MLIP: variants seen among roughly 807,000 people sequenced by gnomAD.
MLIP encodes the protein muscular LMNA interacting protein.
In MLIP, 79 loss-of-function variants were observed where a neutral mutation model predicts 84.8. The ratio of observed to expected loss-of-function variants is 0.93; its 90% CI spans 0.78 to 1.12. The LOEUF is 1.12. Ranked by LOEUF, MLIP falls within the 50% of genes most tolerant of loss-of-function variation. The probability of loss-of-function intolerance (pLI) is 0.00; values close to 1 mark genes in which losing one functional copy is unlikely to be tolerated. For missense variants in MLIP, 1,257 were observed against 1,160.6 expected (o/e 1.08, Z -1.21); for synonymous variants, 504 against 463.0 (o/e 1.09, Z -1.14).
chr6:54,040,445 G>C (rs747693798), intron 1 of MLIP, among the ~76,000 whole-genome samples: 1 of 151,982 alleles, frequency 6.6e-6, no homozygotes, highest in Non-Finnish European at 1.5e-5. Flanking sequence ...AGAAAAAAGG[G>C]AACACTTACA....
chr6:54,025,004 ATTT>A (rs79753738), intron 1 of MLIP, among the ~76,000 whole-genome samples: 224 of 139,954 alleles, frequency 1.6e-3, no homozygotes, highest in Middle Eastern at 3.5e-3. Context: ...TGCCCAGCTA[ATTT>A]TTTTTTTTTT....
intron 10 of MLIP, among the ~76,000 whole-genome samples, chr6:54,190,262 G>A (rs1002045983): frequency 6.6e-6 from 1 of 152,104 alleles, no homozygotes; most frequent in African/African-American, 2.4e-5. Context: ...TCATGATTGA[G>A]TAGGATAGTT....
At chr6:54,164,462 T>G (rs1774978248) in intron 8 of MLIP, among the ~76,000 whole-genome samples, 1 of 151,982 alleles carries the variant, frequency 6.6e-6, no homozygotes, top group Admixed American at 6.6e-5. Context: ...TTCTTCTAAA[T>G]CAGATTTATT....
At chr6:54,265,846 T>A in intron 13 of MLIP, 104 bp from the exon 14 acceptor site, 2 of 1,082,440 alleles carry the variant, frequency 1.8e-6, no homozygotes, top group South Asian at 1.4e-5. Flanking sequence ...ATAAACCATT[T>A]TTTTGTAGGA....
In MLIP at chr6:54,126,426, T is replaced by G. The variant is rs115910111; in HGVS notation, c.645+1561T>G. Among the ~76,000 whole-genome samples the G allele has an allele frequency of 6.1e-3, 924 of 151,828 alleles. 5 individuals are homozygous for G. The highest frequency in any genetic ancestry group is 0.027 in the Middle Eastern group (8 of 294). ...AGGTTATTTAGGAGCAGGTTATAGT[T>G]CATGTTATTAGAGCTCTAAATAAAA... On this transcript the variant is annotated intron_variant, in intron 3 of 13. Coordinates refer to ENST00000502396, the MANE Select transcript of MLIP (RefSeq NM_001281747.2).
chr6:54,226,263 C>G (rs760826397), intron 11 of MLIP, among the ~76,000 whole-genome samples: 1 of 152,188 alleles, frequency 6.6e-6, no homozygotes, highest in Non-Finnish European at 1.5e-5. Flanking sequence ...TAGTGGAGAG[C>G]AGTGGAGCTC....
At chr6:54,222,985 T>A (rs946306280) in intron 11 of MLIP, among the ~76,000 whole-genome samples, 1 of 152,056 alleles carries the variant, frequency 6.6e-6, no homozygotes. Context: ...CCCTTTCATA[T>A]ACCTGTTGGT....
chr6:54,089,655 A>G (rs2150369284), intron 1 of MLIP, among the ~76,000 whole-genome samples: 1 of 152,266 alleles, frequency 6.6e-6, no homozygotes, highest in South Asian at 2.1e-4. Context: ...AAAACAAAAG[A>G]AAACAAAATC....
chr6:54,159,580 G>C (rs913466936), intron 5 of MLIP, among the ~76,000 whole-genome samples: 1 of 151,972 alleles, frequency 6.6e-6, no homozygotes, highest in Non-Finnish European at 1.5e-5. Context: ...TTCACCTTAC[G>C]GGTAGTCCCT....
chr6:54,223,967 AG>A (rs5876375), intron 11 of MLIP, among the ~76,000 whole-genome samples: 3,491 of 152,158 alleles, frequency 0.023, 122 homozygotes, highest in African/African-American at 0.077. Flanking sequence ...TAAATGAATA[AG>A]AAGAGTAATA....
Position 54,228,213 on chromosome 6 carries a change from A to ATG in MLIP, c.2719-2501_2719-2500insTG, listed in dbSNP as rs1554188685. ...AAAAAAAAAAAAAAAAAAAAAAAAA[A>ATG]AGAGAAAGAAAAAAGAAACAGGAGA... On this transcript the variant is annotated intron_variant, in intron 11 of 13. Coordinates refer to ENST00000502396, the MANE Select transcript of MLIP (RefSeq NM_001281747.2). 4.3e-5 allele frequency among the ~76,000 whole-genome samples: 5 copies of ATG among 116,654 alleles called. 1 individual carries two copies. The South Asian group carries it at 1.1e-3, about 25-fold the overall frequency. 76.5% of individuals were successfully genotyped at this position (116,654 alleles called of 152,430 possible).
At chr6:54,111,072 A>G (rs1191920042), upstream of MLIP, among the ~76,000 whole-genome samples, 2 of 152,212 alleles carry the variant, frequency 1.3e-5, no homozygotes, top group Non-Finnish European at 2.9e-5. Context: ...AGCATGACCA[A>G]CTGATTATTG....
chr6:54,189,743 T>C, intron 9 of MLIP, 127 bp from the exon 10 acceptor site: 1 of 669,720 alleles, frequency 1.5e-6, no homozygotes, highest in Non-Finnish European at 2.5e-6. Context: ...TATTTTTCCT[T>C]TTCTTTATAC....
chr6:54,048,369 C>G (rs1373859812), intron 1 of MLIP, among the ~76,000 whole-genome samples: 26 of 152,076 alleles, frequency 1.7e-4, no homozygotes, highest in Admixed American at 1.7e-3. Context: ...ATGACAGATA[C>G]AGGGCTGGGA....
chr6:54,159,017 G>A (rs1561996382), intron 5 of MLIP, among the ~76,000 whole-genome samples: 2 of 151,962 alleles, frequency 1.3e-5, no homozygotes, highest in Admixed American at 1.3e-4. Flanking sequence ...GGCTCATCCA[G>A]CTTCCTGCCT....
chr6:54,247,393 A>G (rs1782154818), intron 12 of MLIP, among the ~76,000 whole-genome samples: 1 of 152,150 alleles, frequency 6.6e-6, no homozygotes, highest in South Asian at 2.1e-4. Context: ...AAGTAAAAGA[A>G]GACAGATTCT....
intron 12 of MLIP, among the ~76,000 whole-genome samples, chr6:54,243,346 C>T (rs1400359736): frequency 3.3e-5 from 5 of 151,942 alleles, no homozygotes; most frequent in Admixed American, 1.3e-4. Context: ...GAAAGCAGGC[C>T]AGAGCATTGA....
rs145881366 is a variant in MLIP at position 54,201,686 on chromosome 6, G to A, written c.2590-419G>A. Among the ~76,000 whole-genome samples the A allele has an allele frequency of 2.0e-3, 310 of 152,276 alleles. 1 individual carries two copies. The highest frequency in any genetic ancestry group is 3.4e-3 in the Non-Finnish European group (230 of 68,028). ...CCAGCTTTGTAGATTTTGGGGCATG[G>A]AGGGTGAGCAGTTTCCAGAAAAAGA... On this transcript the variant is annotated intron_variant, in intron 10 of 13. Coordinates refer to ENST00000502396, the MANE Select transcript of MLIP (RefSeq NM_001281747.2).
intron 10 of MLIP, among the ~76,000 whole-genome samples, chr6:54,198,192 G>A (rs946603128): frequency 2.6e-5 from 4 of 152,068 alleles, no homozygotes; most frequent in Admixed American, 2.0e-4. Context: ...ATGCAGATTC[G>A]GATTCAGTAG....
Sources: gnomAD v4.1 joint callset for allele counts (sites outside exome capture counted in the v4.1 genomes callset) on GRCh38, gnomAD v4.1.1 for gene constraint, MANE v1.5 for transcripts, NCBI Gene and HGNC (gene_info 2026-07-23, HGNC 2026-07-21) for gene names.